The following MAGI2 variants were observed in gnomAD, a reference collection of about 807,000 sequenced individuals.
The protein encoded by MAGI2 is membrane associated guanylate kinase, WW and PDZ domain containing 2.
MAGI2 carries 35 observed loss-of-function variants against 133.3 expected under a neutral mutation model. The ratio of observed to expected loss-of-function variants is 0.26; its 90% CI spans 0.20 to 0.35. The LOEUF (loss-of-function observed/expected upper bound fraction) is 0.35. Ranked by LOEUF, MAGI2 falls within the 10% of genes least tolerant of loss-of-function variation. MAGI2 has a pLI of 1.00. For missense variants in MAGI2, 1,636 were observed against 1,863.4 expected (o/e 0.88, Z 2.25); for synonymous variants, 729 against 710.6 (o/e 1.03, Z -0.41).
chr7:78,502,161 C>G (rs774531984), intron 4 of MAGI2, among the ~76,000 whole-genome samples: 5 of 151,894 alleles, frequency 3.3e-5, no homozygotes, highest in East Asian at 3.9e-4. Flanking sequence ...GACTAAGAAC[C>G]CTGAGATGGG....
chr7:78,991,317 TACAC>T (rs148776305), intron 2 of MAGI2, among the ~76,000 whole-genome samples: 14 of 132,176 alleles, frequency 1.1e-4, no homozygotes, highest in African/African-American at 2.8e-4. Flanking sequence ...GACACACACA[TACAC>T]ACACACACAC....
chr7:79,190,640 C>A (rs1827568198), intron 1 of MAGI2, among the ~76,000 whole-genome samples: 1 of 151,818 alleles, frequency 6.6e-6, no homozygotes, highest in Admixed American at 6.6e-5. Context: ...TGCAAACACT[C>A]TTACAATAAA....
chr7:79,410,984 A>G (rs1202901853), intron 1 of MAGI2: 2 of 152,144 alleles, frequency 1.3e-5, no homozygotes, highest in East Asian at 3.9e-4. Context: ...TAACTCATTA[A>G]TAACATTCAG....
intron 2 of MAGI2, among the ~76,000 whole-genome samples, chr7:78,903,419 T>C (rs1797771001): frequency 1.3e-5 from 2 of 151,876 alleles, no homozygotes; most frequent in South Asian, 2.1e-4. Context: ...ATGGTCTCGA[T>C]CTCCTGACCT....
intron 6 of MAGI2, among the ~76,000 whole-genome samples, chr7:78,478,089 A>G (rs1020067304): frequency 6.6e-6 from 1 of 151,408 alleles, no homozygotes. Context: ...CTATCCCCCA[A>G]CAGGCCCCGG....
chr7:79,232,660 T>C (rs1243547282), intron 1 of MAGI2, among the ~76,000 whole-genome samples: 3 of 121,328 alleles, frequency 2.5e-5, no homozygotes, highest in African/African-American at 9.8e-5. Flanking sequence ...CATTTTTTAT[T>C]GTGTCTATTT....
chr7:79,145,152 G>GA (rs1822497650), intron 1 of MAGI2, among the ~76,000 whole-genome samples: 1 of 152,142 alleles, frequency 6.6e-6, no homozygotes, highest in South Asian at 2.1e-4. Context: ...CTACTTCCTA[G>GA]AAAATTGATG....
chr7:79,215,469 C>T (rs1056085656), intron 1 of MAGI2, among the ~76,000 whole-genome samples: 4 of 152,004 alleles, frequency 2.6e-5, no homozygotes, highest in Non-Finnish European at 5.9e-5. Context: ...CTGAAACCTT[C>T]TTCGGGGAGG....
At chr7:78,537,304 C>T (rs1009608114) in intron 3 of MAGI2, among the ~76,000 whole-genome samples, 2 of 152,004 alleles carry the variant, frequency 1.3e-5, no homozygotes, top group African/African-American at 4.8e-5. Context: ...CTGCTATAAA[C>T]GTGGGTGTGC....
intron 2 of MAGI2, among the ~76,000 whole-genome samples, chr7:78,869,901 T>C (rs1794888060): frequency 6.6e-6 from 1 of 152,182 alleles, no homozygotes; most frequent in Admixed American, 6.5e-5. Context: ...CAGTTGGCTG[T>C]AAGTATTTGG....
At chr7:78,863,872 T>C (rs1794346577) in intron 2 of MAGI2, among the ~76,000 whole-genome samples, 1 of 152,206 alleles carries the variant, frequency 6.6e-6, no homozygotes, top group Admixed American at 6.5e-5. Context: ...TTTAAATTTG[T>C]CCCATTTCTA....
intron 9 of MAGI2, among the ~76,000 whole-genome samples, chr7:78,275,917 A>G (rs985265234): frequency 6.6e-6 from 1 of 152,130 alleles, no homozygotes; most frequent in Non-Finnish European, 1.5e-5. Flanking sequence ...TTTTTTGTAC[A>G]CTGTATTTTC....
At chr7:78,941,908 T>C (rs1801017875) in intron 2 of MAGI2, among the ~76,000 whole-genome samples, 1 of 152,104 alleles carries the variant, frequency 6.6e-6, no homozygotes, top group African/African-American at 2.4e-5. Context: ...TATCTTGGCA[T>C]AAAACTCATC....
intron 1 of MAGI2, among the ~76,000 whole-genome samples, chr7:79,057,086 C>T (rs2117035814): frequency 6.6e-6 from 1 of 152,252 alleles, no homozygotes; most frequent in South Asian, 2.1e-4. Flanking sequence ...ATTCTGAAAA[C>T]ATTCTTTTTC....
chr7:78,921,311 A>G lies in MAGI2; in HGVS notation c.418+85779T>C, dbSNP rs1799203581. Reference sequence around the variant, plus strand: ...ATTCCACGTTCCTAAAGATATGAGTAAAAAATGGCTTCTTGACTTTATCAT... The same window carrying G: ...ATTCCACGTTCCTAAAGATATGAGTGAAAAATGGCTTCTTGACTTTATCAT... On this transcript the variant is annotated intron_variant, in intron 2 of 21. Transcript: ENST00000354212. Among the ~76,000 whole-genome samples the G allele has an allele frequency of 2.6e-5, 4 of 152,168 alleles. No homozygotes were observed. In the South Asian group the frequency reaches 8.3e-4, roughly 31 times the overall value.
chr7:78,795,095 A>G (rs1040205204), intron 2 of MAGI2, among the ~76,000 whole-genome samples: 2 of 152,094 alleles, frequency 1.3e-5, no homozygotes, highest in Non-Finnish European at 2.9e-5. Context: ...AGAAATAAAG[A>G]GCATTCAAAT....
chr7:78,727,456 C>G (rs769691460), intron 2 of MAGI2, among the ~76,000 whole-genome samples: 8 of 152,290 alleles, frequency 5.3e-5, no homozygotes, highest in Middle Eastern at 3.4e-3. Flanking sequence ...TTAGAGTTTG[C>G]TGTGACTATC....
At chr7:78,071,444 G>A (rs1814687807) in intron 21 of MAGI2, among the ~76,000 whole-genome samples, 1 of 152,190 alleles carries the variant, frequency 6.6e-6, no homozygotes, top group Admixed American at 6.5e-5. Flanking sequence ...GGCTGAAGCA[G>A]GAGGATCGCT....
At chr7:78,075,095 C>T (rs1815134075) in intron 21 of MAGI2, among the ~76,000 whole-genome samples, 1 of 152,206 alleles carries the variant, frequency 6.6e-6, no homozygotes, top group Non-Finnish European at 1.5e-5. Context: ...ACCTGCTTTG[C>T]TTCTGGGAGT....
Sources: gnomAD v4.1 joint callset for allele counts (sites outside exome capture counted in the v4.1 genomes callset) on GRCh38, gnomAD v4.1.1 for gene constraint, MANE v1.5 for transcripts, NCBI Gene and HGNC (gene_info 2026-07-23, HGNC 2026-07-21) for gene names.